EXOC6: variants seen among roughly 807,000 people sequenced by gnomAD.
EXOC6 encodes the protein exocyst complex component 6, also known as SEC15-like 1.
A neutral mutation model predicts 112.5 loss-of-function variants in EXOC6; 60 were observed. The observed-to-expected ratio is 0.53, with a 90% confidence interval of 0.43 to 0.66. EXOC6 has a LOEUF of 0.66. Among genes scored for constraint, EXOC6 ranks in the 30% least tolerant of loss-of-function variants. The pLI, the probability that EXOC6 is intolerant of heterozygous loss-of-function variation, is 0.00. For missense variants in EXOC6, 855 were observed against 957.1 expected (o/e 0.89, Z 1.41); for synonymous variants, 295 against 308.0 (o/e 0.96, Z 0.44).
At chr10:92,991,204 G>A (rs1397919897) in intron 18 of EXOC6, among the ~76,000 whole-genome samples, 1 of 151,292 alleles carries the variant, frequency 6.6e-6, no homozygotes, top group African/African-American at 2.4e-5. Context: ...TTGGGAGGCC[G>A]AGGTGGGCGG....
At chr10:92,852,033 C>T (rs2490731) in intron 1 of EXOC6, among the ~76,000 whole-genome samples, 148,930 of 152,286 alleles carry the variant, frequency 0.98, 72,842 homozygotes, top group Middle Eastern at 1. Context: ...TGTGCCACTG[C>T]ACTCCAGCCT....
intron 20 of EXOC6, among the ~76,000 whole-genome samples, chr10:93,029,598 C>T (rs1845182799): frequency 6.6e-6 from 1 of 152,168 alleles, no homozygotes; most frequent in African/African-American, 2.4e-5. Context: ...TCTGTTCACT[C>T]TTAATAGTGT....
At chr10:92,931,159 A>G (rs369067384) in intron 9 of EXOC6, among the ~76,000 whole-genome samples, 47 of 151,096 alleles carry the variant, frequency 3.1e-4, no homozygotes, top group African/African-American at 1.1e-3. Context: ...AAGGCAAGAT[A>G]TGGACTTGGA....
At chr10:92,858,522 C>T (rs1471100230) in intron 1 of EXOC6, among the ~76,000 whole-genome samples, 1 of 152,152 alleles carries the variant, frequency 6.6e-6, no homozygotes, top group East Asian at 1.9e-4. Flanking sequence ...TGCCAATTCA[C>T]ATCCACTGTT....
chr10:92,975,917 G>GT (rs1842565522), intron 18 of EXOC6, among the ~76,000 whole-genome samples: 1 of 140,440 alleles, frequency 7.1e-6, no homozygotes, highest in Non-Finnish European at 1.6e-5. Context: ...CGGGAGGGAG[G>GT]TGGGGGGGTC....
intron 20 of EXOC6, 22 bp downstream of exon 20, chr10:93,014,289 C>A: frequency 6.3e-7 from 1 of 1,582,704 alleles, no homozygotes; most frequent in Non-Finnish European, 8.7e-7. Flanking sequence ...TAATGTACTT[C>A]CCATTTGTTG....
chr10:92,979,896 C>CA (rs5787028), intron 18 of EXOC6, among the ~76,000 whole-genome samples: 1,448 of 83,478 alleles, frequency 0.017, 15 homozygotes, highest in African/African-American at 0.028. Flanking sequence ...GACACTGTCT[C>CA]AAAAAAAAAA....
intron 1 of EXOC6, among the ~76,000 whole-genome samples, chr10:92,851,613 ACT>A (rs1280154989): frequency 6.6e-6 from 1 of 151,804 alleles, no homozygotes; most frequent in Non-Finnish European, 1.5e-5. Context: ...TTATGCCACT[ACT>A]CTCTAGCCTG....
Position 92,854,591 on chromosome 10 carries a change from GC to G in EXOC6, c.101+5958del, listed in dbSNP as rs537766436. Among the ~76,000 whole-genome samples, 11 of 152,264 alleles carry G rather than the reference GC, an allele frequency of 7.2e-5. No homozygotes were observed. In the South Asian group the frequency reaches 2.1e-3, roughly 29 times the overall value. ...GAAGGGGTGTTGAATTTTATCAGATGCTTTTTTCTGTATCTATTGAGGTGAT... is the reference window on the plus strand; with the variant it reads ...GAAGGGGTGTTGAATTTTATCAGATGTTTTTTCTGTATCTATTGAGGTGAT... On this transcript the variant is annotated intron_variant, in intron 1 of 21. Coordinates refer to ENST00000260762, the MANE Select transcript of EXOC6 (RefSeq NM_019053.6).
intron 18 of EXOC6, among the ~76,000 whole-genome samples, chr10:92,976,118 C>T (rs921368130): frequency 6.6e-6 from 1 of 151,914 alleles, no homozygotes; most frequent in African/African-American, 2.4e-5. Context: ...GCCCGGCCAC[C>T]CCTACTGGGA....
chr10:92,831,428 AT>A (rs113327827), upstream of EXOC6: 3,394 of 817,812 alleles, frequency 4.2e-3, 3 homozygotes, highest in African/African-American at 9.4e-3. Flanking sequence ...ACTATATTCT[AT>A]TTTTTTTTTA....
rs140452732 is a variant in EXOC6 at position 92,905,839 on chromosome 10, A to G, written c.459-3588A>G. ...AGTTGTTGGATGAAGTATTCTGTCA[A>G]TGCCAATTAGATCCAGTTGATTGAT... On this transcript the variant is annotated intron_variant, in intron 5 of 21. Transcript: ENST00000260762. Among the ~76,000 whole-genome samples, 359 of 152,216 alleles carry G rather than the reference A, an allele frequency of 2.4e-3. 1 individual carries two copies. The highest frequency in any genetic ancestry group is 4.4e-3 in the Non-Finnish European group (298 of 67,954).
chr10:92,927,911 A>G (rs1346333168), intron 8 of EXOC6, among the ~76,000 whole-genome samples: 3 of 152,162 alleles, frequency 2.0e-5, no homozygotes, highest in African/African-American at 4.8e-5. Context: ...CAGTATATGG[A>G]TATATTGAGA....
At position 92,919,877 on chromosome 10, in the gene EXOC6, T is replaced by G. The variant is rs142112734; in HGVS notation, c.820-105T>G. 2.2e-3 allele frequency: 1,393 copies of G among 629,352 alleles called. 8 individuals are homozygous for G. Among genetic ancestry groups the G allele is most frequent in the South Asian group, 8.2e-3 (314 of 38,108 alleles). 39.0% of individuals were successfully genotyped at this position (629,352 alleles called of 1,614,324 possible). A position where few individuals can be genotyped will look rare whatever the true frequency, so the allele number is the denominator to read the frequency against. On this transcript the variant is annotated intron_variant, in intron 7 of 21. Coordinates refer to ENST00000260762, the MANE Select transcript of EXOC6 (RefSeq NM_019053.6). Reference sequence around the variant, plus strand: ...CTATGGGGGAATTGAATAAATGTTGTAACACAAAGTTCATGAATCTTCTTG... The same window carrying G: ...CTATGGGGGAATTGAATAAATGTTGGAACACAAAGTTCATGAATCTTCTTG...
chr10:92,943,978 C>CTGA (rs977082387), intron 13 of EXOC6, among the ~76,000 whole-genome samples: 1 of 152,104 alleles, frequency 6.6e-6, no homozygotes, highest in African/African-American at 2.4e-5. Flanking sequence ...TTTTAGATTC[C>CTGA]TCATATAAGT....
At chr10:93,051,034 A>G (rs941611923) in intron 20 of EXOC6, among the ~76,000 whole-genome samples, 2 of 152,168 alleles carry the variant, frequency 1.3e-5, no homozygotes, top group African/African-American at 4.8e-5. Context: ...ATAAATTCAC[A>G]TGTATGTATC....
At chr10:92,975,014 T>C (rs1842456479) in intron 18 of EXOC6, among the ~76,000 whole-genome samples, 1 of 151,602 alleles carries the variant, frequency 6.6e-6, no homozygotes, top group Admixed American at 6.6e-5. Flanking sequence ...GGAGCGTCTC[T>C]GCCTGGTCGC....
intron 20 of EXOC6, among the ~76,000 whole-genome samples, chr10:93,038,488 A>C (rs1007271939): frequency 6.6e-6 from 1 of 152,232 alleles, no homozygotes; most frequent in Non-Finnish European, 1.5e-5. Context: ...TTTACATATA[A>C]ATTTGAACAT....
At chr10:93,010,304 T>C (rs1844180332) in intron 19 of EXOC6, among the ~76,000 whole-genome samples, 2 of 152,174 alleles carry the variant, frequency 1.3e-5, no homozygotes, top group African/African-American at 4.8e-5. Flanking sequence ...GATGAGAGAC[T>C]GAATACTTAA....
Sources: gnomAD v4.1 joint callset for allele counts (sites outside exome capture counted in the v4.1 genomes callset) on GRCh38, gnomAD v4.1.1 for gene constraint, MANE v1.5 for transcripts, NCBI Gene and HGNC (gene_info 2026-07-23, HGNC 2026-07-21) for gene names.